The following MEGF6 variants were observed in gnomAD, a reference collection of about 807,000 sequenced individuals.
MEGF6 encodes multiple EGF like domains 6, also known as multiple epidermal growth factor-like domains protein 6.
Under a neutral mutation model 207.1 loss-of-function variants are expected in MEGF6, and 184 were observed. That is an observed-to-expected ratio of 0.89 (90% CI 0.79 to 1.00). The LOEUF is 1.00. MEGF6 is among the 50% of genes least tolerant of loss of function. The pLI is 0.00. For synonymous variants in MEGF6, 1,038 were observed against 910.0 expected (o/e 1.14, Z -2.53); for missense variants, 2,282 against 2,202.9 (o/e 1.04, Z -0.72).
intron 30 of MEGF6, among the ~76,000 whole-genome samples, chr1:3,495,453 T>C (rs1434057486): frequency 6.6e-6 from 1 of 152,144 alleles, no homozygotes; most frequent in Non-Finnish European, 1.5e-5. Context: ...CTCTCTACTC[T>C]TGACTGTGCT....
At chr1:3,595,508 A>G (rs1355951857) in intron 2 of MEGF6, 61 bp from the exon 3 acceptor site, 1 of 1,398,656 alleles carries the variant, frequency 7.1e-7, no homozygotes, top group Non-Finnish European at 1.0e-6. Context: ...TTCGGCTCTC[A>G]CTGCACCCCT....
the MEGF6 span, among the ~76,000 whole-genome samples, chr1:3,620,908 A>G: frequency 6.6e-6 from 1 of 152,204 alleles, no homozygotes; most frequent in African/African-American, 2.4e-5. Flanking sequence ...TCACATGTCC[A>G]CTGGACAGGG....
chr1:3,589,294 G>A (rs61762202), intron 3 of MEGF6, among the ~76,000 whole-genome samples: 1 of 152,142 alleles, frequency 6.6e-6, no homozygotes, highest in African/African-American at 2.4e-5. Flanking sequence ...AACTGTGAGA[G>A]AGTAAACTCA....
chr1:3,507,195 T>C (rs1186605674), intron 14 of MEGF6, among the ~76,000 whole-genome samples: 2 of 152,188 alleles, frequency 1.3e-5, no homozygotes, highest in East Asian at 3.9e-4. Flanking sequence ...GGGGACAGGT[T>C]CTAGGGTTGG....
At chr1:3,521,898 A>T (rs1292843070) in intron 5 of MEGF6, among the ~76,000 whole-genome samples, 2 of 152,148 alleles carry the variant, frequency 1.3e-5, no homozygotes, top group Admixed American at 1.3e-4. Flanking sequence ...GGTGGCCTAG[A>T]AATGGGGCTA....
rs775384281 is a variant in MEGF6 at position 3,501,161 on chromosome 1, G to A, written c.2446+16C>T. On this transcript the variant is annotated intron_variant, in intron 19 of 36. Transcript: ENST00000356575. ...ACCCCAGGTCAAAGGCTCAGGGGCAGCTCCAGCTCACTCACCGTCCTGGCA... is the reference window on the plus strand; with the variant it reads ...ACCCCAGGTCAAAGGCTCAGGGGCAACTCCAGCTCACTCACCGTCCTGGCA... 1.9e-6 allele frequency: 3 copies of A among 1,612,560 alleles called. No homozygotes were observed. In the South Asian group the frequency reaches 3.3e-5, roughly 18 times the overall value.
At chr1:3,505,593 G>T in intron 15 of MEGF6, 37 bp from the exon 16 acceptor site, 1 of 1,515,864 alleles carries the variant, frequency 6.6e-7, no homozygotes, top group South Asian at 1.2e-5. Flanking sequence ...GCTCCCGTCT[G>T]AAGCCCCACC....
Position 3,498,444 on chromosome 1 carries a change from G to A in MEGF6, c.3279C>T (p.Asn1093=), listed in dbSNP as rs781537244. The A allele has an allele frequency of 3.6e-5, 57 of 1,578,938 alleles. No homozygotes were observed. The highest frequency in any genetic ancestry group is 1.2e-4 in the South Asian group (11 of 88,172). The change falls in exon 26 of 37, where the codon AAC becomes AAT. Residue 1093 remains asparagine (N), a synonymous_variant. Transcript: ENST00000356575. Reference sequence around the variant, plus strand: ...CCGTGTGCGGGTCACACAGGCCCCCGTTGAGGCAACCGCCGCTGTGCCGGC... The same window carrying A: ...CCGTGTGCGGGTCACACAGGCCCCCATTGAGGCAACCGCCGCTGTGCCGGC... ...AGCRHSGGCL[N]GGLCDPHTGR... is the part of the protein sequence containing the mutation.
At chr1:3,601,388 G>A (rs971243625) in intron 2 of MEGF6, among the ~76,000 whole-genome samples, 1 of 152,264 alleles carries the variant, frequency 6.6e-6, no homozygotes, top group Non-Finnish European at 1.5e-5. Flanking sequence ...GTGACAGTCA[G>A]GACAGACTGC....
At chr1:3,602,980 C>T (rs74998818) in intron 1 of MEGF6, among the ~76,000 whole-genome samples, 1,537 of 152,326 alleles carry the variant, frequency 0.01, 30 homozygotes, top group East Asian at 0.088. Context: ...GTCCTCTCCA[C>T]CCCAGCCCTC....
In MEGF6 at chr1:3,524,131, G is replaced by C; in HGVS notation, c.597C>G (p.Thr199=). The change falls in exon 5 of 37, where the codon ACC becomes ACG. Residue 199 remains threonine (T), a synonymous_variant. Transcript: ENST00000356575. ...PGFRLHTDSR[T]CLAINSCALG... ...TCTCCAGGCGACACTCACCCAGGCAGGTCCTGCTGTCAGTGTGGAGCCGGA... is the reference window on the plus strand; with the variant it reads ...TCTCCAGGCGACACTCACCCAGGCACGTCCTGCTGTCAGTGTGGAGCCGGA... The C allele has an allele frequency of 6.2e-7, 1 of 1,612,092 alleles. No individual in the cohort carries two copies. Among genetic ancestry groups the C allele is most frequent in the South Asian group, 1.1e-5 (1 of 91,004 alleles).
intron 3 of MEGF6, among the ~76,000 whole-genome samples, chr1:3,586,007 A>ACATGTCCTGTGTGTGGGTGTGTGGACG (rs1643889295): frequency 2.9e-5 from 3 of 104,388 alleles, no homozygotes; most frequent in African/African-American, 1.5e-4. Flanking sequence ...GTGTGTGGAC[A>ACATGTCCTGTGTGTGGGTGTGTGGACG]CATGTCCTGT....
At chr1:3,521,590 C>T (rs2101159684) in intron 5 of MEGF6, among the ~76,000 whole-genome samples, 1 of 152,292 alleles carries the variant, frequency 6.6e-6, no homozygotes, top group Non-Finnish European at 1.5e-5. Context: ...CAAACAAACA[C>T]GCCTGGCTTT....
At chr1:3,506,892 C>T (rs1243057189) in intron 14 of MEGF6, among the ~76,000 whole-genome samples, 1 of 152,236 alleles carries the variant, frequency 6.6e-6, no homozygotes, top group East Asian at 1.9e-4. Flanking sequence ...ATCTGAGAGG[C>T]AGGCGGAAGC....
At chr1:3,604,829 G>T (rs76797542) in intron 1 of MEGF6, among the ~76,000 whole-genome samples, 2 of 152,054 alleles carry the variant, frequency 1.3e-5, no homozygotes, top group African/African-American at 4.8e-5. Flanking sequence ...AATAGGGGAG[G>T]GGGCAGGACC....
chr1:3,589,632 C>G (rs1643944931), intron 3 of MEGF6, among the ~76,000 whole-genome samples: 1 of 152,220 alleles, frequency 6.6e-6, no homozygotes, highest in Non-Finnish European at 1.5e-5. Flanking sequence ...TGAGTGTCTC[C>G]TGCAAGGACA....
At chr1:3,547,423 C>A (rs1267302108) in intron 4 of MEGF6, among the ~76,000 whole-genome samples, 1 of 152,170 alleles carries the variant, frequency 6.6e-6, no homozygotes, top group Non-Finnish European at 1.5e-5. Flanking sequence ...GGTGGCCCTG[C>A]TCCCGTAAAG....
At chr1:3,533,723 A>T (rs1195558658) in intron 4 of MEGF6, among the ~76,000 whole-genome samples, 1 of 152,080 alleles carries the variant, frequency 6.6e-6, no homozygotes, top group Admixed American at 6.6e-5. Flanking sequence ...CTGCTACAGG[A>T]TGGGGCCCAG....
At chr1:3,529,906 G>A (rs1642091275) in intron 4 of MEGF6, among the ~76,000 whole-genome samples, 1 of 152,258 alleles carries the variant, frequency 6.6e-6, no homozygotes, top group Non-Finnish European at 1.5e-5. Context: ...GCTCAGGGCA[G>A]TTATCAAGTT....
Sources: allele counts gnomAD v4.1 joint callset (sites outside exome capture counted in the v4.1 genomes callset), GRCh38; gene constraint gnomAD v4.1.1; transcripts MANE v1.5; gene names NCBI Gene and HGNC (gene_info 2026-07-23, HGNC 2026-07-21).